DCT: variants seen among roughly 807,000 people sequenced by gnomAD.
DCT encodes dopachrome tautomerase, also known as L-dopachrome tautomerase.
DCT carries 47 observed loss-of-function variants against 53.0 expected under a neutral mutation model. That is an observed-to-expected ratio of 0.89 (90% confidence interval 0.70 to 1.13). The LOEUF (loss-of-function observed/expected upper bound fraction) is 1.13, where lower values mean the gene tolerates loss of function less well. Ranked by LOEUF, DCT falls within the 50% of genes most tolerant of loss-of-function variation. The probability of loss-of-function intolerance (pLI) is 0.00; values close to 1 mark genes in which losing one functional copy is unlikely to be tolerated. For missense variants in DCT, 669 were observed against 637.4 expected, an observed-to-expected ratio of 1.05 and a Z score of -0.53; for synonymous variants, 244 against 237.0, an observed-to-expected ratio of 1.03 and a Z score of -0.27.
chr13:94,493,550 C>A, the DCT span, among the ~76,000 whole-genome samples: 1 of 152,100 alleles, frequency 6.6e-6, no homozygotes. Context: ...GAAATATGTG[C>A]AGTATATTAT....
intron 6 of DCT, among the ~76,000 whole-genome samples, chr13:94,444,832 A>G (rs1882615915): frequency 6.6e-6 from 1 of 152,264 alleles, no homozygotes; most frequent in African/African-American, 2.4e-5. Flanking sequence ...AAATGATACT[A>G]TAACTTGTTA....
At chr13:94,466,965 C>G (rs900866386) in intron 2 of DCT, 1 of 181,712 alleles carries the variant, frequency 5.5e-6, no homozygotes, top group African/African-American at 2.4e-5. Flanking sequence ...AAGCAACAAT[C>G]CATTCAGGTG....
chr13:94,483,470 C>T (rs1265898055), upstream of DCT, among the ~76,000 whole-genome samples: 1 of 145,498 alleles, frequency 6.9e-6, no homozygotes, highest in Non-Finnish European at 1.5e-5. Flanking sequence ...ACTAAATATT[C>T]TCCATTCCTT....
At chr13:94,494,869 T>C in the DCT span, among the ~76,000 whole-genome samples, 1 of 152,210 alleles carries the variant, frequency 6.6e-6, no homozygotes, top group Admixed American at 6.5e-5. Context: ...TATGCATATT[T>C]TTTCATATGA....
chr13:94,448,980 C>T (rs111478422), intron 6 of DCT, among the ~76,000 whole-genome samples: 158 of 151,820 alleles, frequency 1.0e-3, no homozygotes, highest in African/African-American at 3.5e-3. Context: ...TACATAGCTA[C>T]GTTTTGGTAT....
the DCT span, among the ~76,000 whole-genome samples, chr13:94,489,314 A>C: frequency 6.6e-6 from 1 of 152,186 alleles, no homozygotes; most frequent in Non-Finnish European, 1.5e-5. Flanking sequence ...TCAAAATCCC[A>C]GCAAGTTACT....
the DCT span, among the ~76,000 whole-genome samples, chr13:94,491,619 G>A: frequency 0.059 from 8,932 of 152,258 alleles, 305 homozygotes; most frequent in Non-Finnish European, 0.075. Context: ...AAGTCATCCT[G>A]AACACATCCT....
At chr13:94,509,702 A>C in the DCT span, among the ~76,000 whole-genome samples, 57,681 of 152,014 alleles carry the variant, frequency 0.38, 11,421 homozygotes, top group East Asian at 0.61. Context: ...TCTCAGACTT[A>C]TTATACATAA....
chr13:94,465,229 G>A (rs1884090064), intron 4 of DCT, among the ~76,000 whole-genome samples: 1 of 152,128 alleles, frequency 6.6e-6, no homozygotes, highest in Admixed American at 6.5e-5. Flanking sequence ...TGTATTCCCG[G>A]CAGTACCACA....
chr13:94,478,126 G>A (rs906513136), intron 1 of DCT, among the ~76,000 whole-genome samples: 4 of 151,894 alleles, frequency 2.6e-5, no homozygotes, highest in Admixed American at 1.3e-4. Context: ...GTGACAAAAA[G>A]CCATTGTTAT....
the DCT span, among the ~76,000 whole-genome samples, chr13:94,505,090 T>G: frequency 0.38 from 57,446 of 151,404 alleles, 11,362 homozygotes; most frequent in East Asian, 0.61. Context: ...ACCAAAAAAG[T>G]TTAGAAAATG....
the DCT span, among the ~76,000 whole-genome samples, chr13:94,488,729 C>T: frequency 5.0e-3 from 48 of 9,666 alleles, no homozygotes; most frequent in Non-Finnish European, 6.7e-3. Flanking sequence ...TATATACACA[C>T]ACACACACAC....
At chr13:94,524,573 T>C in the DCT span, among the ~76,000 whole-genome samples, 1 of 152,174 alleles carries the variant, frequency 6.6e-6, no homozygotes, top group Non-Finnish European at 1.5e-5. Flanking sequence ...GCTGGCTGCT[T>C]TGTGATTCTC....
chr13:94,439,550 C>T lies in DCT; in HGVS notation c.*348G>A, dbSNP rs1488721094. 1 of 164,284 alleles carries T rather than the reference C, an allele frequency of 6.1e-6. No individual in the cohort carries two copies. The highest frequency in any genetic ancestry group is 1.2e-5 in the Non-Finnish European group (1 of 80,460). The allele number at this position is 164,284 out of a possible 1,614,324, so 10.2% of individuals were successfully genotyped here. A position where few individuals can be genotyped will look rare whatever the true frequency, so the allele number is the denominator to read the frequency against. ...ACTGACCTGCAAATTTAAATGACTC[C>T]CCTGGATCAATGTTTTGGGATTTTT... On this transcript the variant is annotated 3_prime_UTR_variant, in exon 8 of 8. Coordinates refer to ENST00000377028, the MANE Select transcript of DCT (RefSeq NM_001922.5).
At chr13:94,508,917 C>G in the DCT span, among the ~76,000 whole-genome samples, 1 of 152,278 alleles carries the variant, frequency 6.6e-6, no homozygotes, top group African/African-American at 2.4e-5. Context: ...AATTAAACGA[C>G]TTTGAAAGTC....
At chr13:94,543,927 C>G in the DCT span, among the ~76,000 whole-genome samples, 1 of 151,432 alleles carries the variant, frequency 6.6e-6, no homozygotes, top group African/African-American at 2.4e-5. Context: ...CTTGGCTACT[C>G]AGGAGACTGA....
the DCT span, among the ~76,000 whole-genome samples, chr13:94,531,106 G>A: frequency 2.6e-5 from 4 of 152,228 alleles, no homozygotes; most frequent in African/African-American, 9.6e-5. Context: ...CCTCTTCAAG[G>A]AGAACTACAA....
the DCT span, among the ~76,000 whole-genome samples, chr13:94,491,463 T>C: frequency 2.0e-5 from 3 of 152,220 alleles, no homozygotes; most frequent in Admixed American, 2.0e-4. Flanking sequence ...TGCAATGACC[T>C]GACTCCTAAA....
At chr13:94,460,471 T>C (rs1883709645) in intron 5 of DCT, among the ~76,000 whole-genome samples, 1 of 152,232 alleles carries the variant, frequency 6.6e-6, no homozygotes, top group African/African-American at 2.4e-5. Context: ...ACAACTTTCA[T>C]ATCTGTCTCT....
Sources: gnomAD v4.1 joint callset for allele counts (sites outside exome capture counted in the v4.1 genomes callset) on GRCh38, gnomAD v4.1.1 for gene constraint, MANE v1.5 for transcripts, NCBI Gene and HGNC (gene_info 2026-07-23, HGNC 2026-07-21) for gene names.